The following USH2A variants were observed in gnomAD, a reference collection of about 807,000 sequenced individuals.
USH2A encodes usherin.
A neutral mutation model predicts 538.9 loss-of-function variants in USH2A; 443 were observed. The ratio of observed to expected loss-of-function variants is 0.82; its 90% CI spans 0.76 to 0.89. The LOEUF (loss-of-function observed/expected upper bound fraction) is 0.89, where lower values mean the gene tolerates loss of function less well. Ranked by LOEUF, USH2A falls within the 40% of genes least tolerant of loss-of-function variation. The pLI is 0.00. For synonymous variants in USH2A, 2,413 were observed against 2,273.5 expected, an observed-to-expected ratio of 1.06 and a Z score of -1.75; for missense variants, 6,633 against 6,324.8, an observed-to-expected ratio of 1.05 and a Z score of -1.65.
intron 50 of USH2A, among the ~76,000 whole-genome samples, chr1:215,795,094 A>G (rs1318900657): frequency 6.6e-6 from 1 of 152,168 alleles, no homozygotes; most frequent in Non-Finnish European, 1.5e-5. Flanking sequence ...TACAGTTCTT[A>G]TCATCATATT....
intron 3 of USH2A, among the ~76,000 whole-genome samples, chr1:216,412,442 T>C (rs2039503976): frequency 6.6e-6 from 1 of 152,112 alleles, no homozygotes; most frequent in Admixed American, 6.6e-5. Flanking sequence ...AAGGGAAATA[T>C]TCTTTCTTTA....
intron 13 of USH2A, among the ~76,000 whole-genome samples, chr1:216,235,860 A>G (rs142618247): frequency 2.6e-5 from 4 of 152,326 alleles, no homozygotes; most frequent in African/African-American, 7.2e-5. Flanking sequence ...GAAAATGGAC[A>G]TAATAGTTAC....
At chr1:215,791,515 T>C (rs1661981178) in intron 50 of USH2A, among the ~76,000 whole-genome samples, 1 of 152,210 alleles carries the variant, frequency 6.6e-6, no homozygotes, top group Admixed American at 6.5e-5. Flanking sequence ...CAAAGAACCC[T>C]CTCATTCATC....
chr1:216,345,792 A>G (rs1279940600), intron 4 of USH2A, among the ~76,000 whole-genome samples: 1 of 152,086 alleles, frequency 6.6e-6, no homozygotes, highest in Non-Finnish European at 1.5e-5. Context: ...TGGGAGCTTG[A>G]CCTTGTGACC....
chr1:215,819,066 A>G (rs10495006), intron 47 of USH2A, among the ~76,000 whole-genome samples: 5,464 of 151,990 alleles, frequency 0.036, 169 homozygotes, highest in East Asian at 0.15. Flanking sequence ...AGCCATAAAA[A>G]TTAACTAATC....
intron 43 of USH2A, among the ~76,000 whole-genome samples, chr1:215,875,612 T>C (rs1463722053): frequency 1.3e-5 from 2 of 152,090 alleles, no homozygotes; most frequent in African/African-American, 4.8e-5. Context: ...CCTAATTATT[T>C]AATAAGTTTT....
intron 40 of USH2A, among the ~76,000 whole-genome samples, chr1:215,894,820 C>T (rs1232463335): frequency 6.6e-6 from 1 of 152,096 alleles, no homozygotes; most frequent in African/African-American, 2.4e-5. Context: ...CCTGAGAGTC[C>T]CTCTTCAGGT....
At chr1:215,786,116 T>C (rs1193665168) in intron 52 of USH2A, among the ~76,000 whole-genome samples, 10 of 152,162 alleles carry the variant, frequency 6.6e-5, no homozygotes, top group Admixed American at 3.9e-4. Context: ...AAACTAAGCA[T>C]AACCATTTTG....
chr1:215,916,261 G>A (rs2102484200), intron 38 of USH2A, among the ~76,000 whole-genome samples: 1 of 151,926 alleles, frequency 6.6e-6, no homozygotes, highest in Non-Finnish European at 1.5e-5. Context: ...CTAAATAAAT[G>A]ATATTTCTCA....
At chr1:215,959,188 G>C (rs151337260) in intron 37 of USH2A, among the ~76,000 whole-genome samples, 98 of 151,772 alleles carry the variant, frequency 6.5e-4, no homozygotes, top group African/African-American at 2.2e-3. Flanking sequence ...CATATAAAAG[G>C]AAAAATGGGA....
At chr1:216,360,034 A>G (rs908823208) in intron 4 of USH2A, among the ~76,000 whole-genome samples, 1 of 152,134 alleles carries the variant, frequency 6.6e-6, no homozygotes, top group African/African-American at 2.4e-5. Context: ...AACATATCTT[A>G]CCATACGATC....
chr1:215,923,021 C>T (rs1666140610), intron 38 of USH2A, among the ~76,000 whole-genome samples: 1 of 152,036 alleles, frequency 6.6e-6, no homozygotes, highest in African/African-American at 2.4e-5. Context: ...CATGTGACAT[C>T]CAGCTTACTT....
intron 32 of USH2A, among the ~76,000 whole-genome samples, chr1:216,009,606 C>T (rs1422367304): frequency 6.6e-6 from 1 of 152,120 alleles, no homozygotes; most frequent in Non-Finnish European, 1.5e-5. Flanking sequence ...CAGTCTCAAC[C>T]CCAAGCGTCC....
At chr1:216,204,873 A>C (rs752331439) in intron 16 of USH2A, among the ~76,000 whole-genome samples, 1 of 152,204 alleles carries the variant, frequency 6.6e-6, no homozygotes, top group South Asian at 2.1e-4. Context: ...AGTGATTGTC[A>C]AGAAATGCCA....
chr1:216,403,120 T>A (rs887455202), intron 3 of USH2A, among the ~76,000 whole-genome samples: 7 of 152,124 alleles, frequency 4.6e-5, no homozygotes, highest in African/African-American at 1.7e-4. Flanking sequence ...GTATGTAAGG[T>A]TGGTTCAACA....
chr1:216,220,722 C>T (rs1259395151), intron 14 of USH2A, among the ~76,000 whole-genome samples: 1 of 151,914 alleles, frequency 6.6e-6, no homozygotes, highest in African/African-American at 2.4e-5. Context: ...TAAGATAATG[C>T]TACCTTGGGG....
chr1:216,055,780 G>A (rs1402546002), intron 30 of USH2A, among the ~76,000 whole-genome samples: 2 of 152,180 alleles, frequency 1.3e-5, no homozygotes, highest in African/African-American at 4.8e-5. Flanking sequence ...CAAAGGGAAA[G>A]TCAATTTGCA....
chr1:216,186,503 C>T (rs2034607038), intron 20 of USH2A, among the ~76,000 whole-genome samples: 1 of 151,938 alleles, frequency 6.6e-6, no homozygotes. Flanking sequence ...CTGTTCACTT[C>T]ACTCTTCCTT....
At chr1:216,400,400 A>G (rs1448207546) in intron 3 of USH2A, among the ~76,000 whole-genome samples, 1 of 150,330 alleles carries the variant, frequency 6.7e-6, no homozygotes, top group Non-Finnish European at 1.5e-5. Context: ...AGAGAGATTA[A>G]AAGGAAAAAA....
Sources: gnomAD v4.1 joint callset for allele counts (sites outside exome capture counted in the v4.1 genomes callset) on GRCh38, gnomAD v4.1.1 for gene constraint, MANE v1.5 for transcripts, NCBI Gene and HGNC (gene_info 2026-07-23, HGNC 2026-07-21) for gene names.